SERPINA1: variants seen among roughly 807,000 people sequenced by gnomAD.
SERPINA1 encodes the protein alpha-1-antitrypsin.
SERPINA1 carries 21 observed loss-of-function variants against 25.4 expected under a neutral mutation model. The ratio of observed to expected loss-of-function variants is 0.83; its 90% CI spans 0.59 to 1.19. The LOEUF is 1.19. Ranked by LOEUF, SERPINA1 falls within the 50% of genes most tolerant of loss-of-function variation. The pLI, the probability that SERPINA1 is intolerant of heterozygous loss-of-function variation, is 0.00. For missense variants in SERPINA1, 546 were observed against 509.0 expected, an observed-to-expected ratio of 1.07 and a Z score of -0.70; for synonymous variants, 218 against 211.1, an observed-to-expected ratio of 1.03 and a Z score of -0.29.
chr14:94,382,836 G>C lies in SERPINA1; in HGVS notation c.402C>G (p.Leu134=), dbSNP rs1897032865. The C allele has an allele frequency of 6.2e-7, 1 of 1,614,138 alleles. No homozygotes were observed. The highest frequency in any genetic ancestry group is 2.2e-5 in the East Asian group (1 of 44,882). ...ACAGGCCATTGCCGGTGGTCAGCTGGAGCTGGCTGTCTGGCTGGTTGAGGG... is the reference window on the plus strand; with the variant it reads ...ACAGGCCATTGCCGGTGGTCAGCTGCAGCTGGCTGTCTGGCTGGTTGAGGG... The part of the protein sequence containing the change: ...LRTLNQPDSQ[L]QLTTGNGLFL... The change falls in exon 2 of 5, where the codon CTC becomes CTG. Residue 134 remains leucine (L), a synonymous_variant. Coordinates refer to ENST00000393087, the MANE Select transcript of SERPINA1 (RefSeq NM_000295.5).
chr14:94,379,953 G>C (rs1896758161), intron 3 of SERPINA1, among the ~76,000 whole-genome samples: 1 of 151,868 alleles, frequency 6.6e-6, no homozygotes, highest in African/African-American at 2.4e-5. Flanking sequence ...GAAACACGGG[G>C]CTGGTGGCAG....
chr14:94,386,945 T>C (rs977561994), intron 1 of SERPINA1, among the ~76,000 whole-genome samples: 1 of 152,190 alleles, frequency 6.6e-6, no homozygotes, highest in Non-Finnish European at 1.5e-5. Flanking sequence ...ATTTTATAGA[T>C]AGAAAAATTG....
At chr14:94,384,586 G>A (rs1171003199) in intron 1 of SERPINA1, among the ~76,000 whole-genome samples, 1 of 152,128 alleles carries the variant, frequency 6.6e-6, no homozygotes. Flanking sequence ...GATATGCCCA[G>A]GCTTCGGACC....
chr14:94,378,096 A>C lies in SERPINA1; in HGVS notation c.*353T>G. On this transcript the variant is annotated 3_prime_UTR_variant, in exon 5 of 5. Coordinates refer to ENST00000393087, the MANE Select transcript of SERPINA1 (RefSeq NM_000295.5). ...GGTGGAGCCTGGGGTCATGGCTGGT[A>C]TCTGGTTCCTCCCCTGTGATTCCTT... 6.8e-6 allele frequency: 2 copies of C among 295,332 alleles called. No individual in the cohort carries two copies. The highest frequency in any genetic ancestry group is 1.3e-5 in the Non-Finnish European group (2 of 156,276). 18.3% of individuals were successfully genotyped at this position (295,332 alleles called of 1,614,324 possible).
In SERPINA1 at chr14:94,381,083, G is replaced by T. The variant is rs777051992; in HGVS notation, c.705C>A (p.Asp235Glu). ...KDTEEEDFHV[D>E]QVTTVKVPMM... ...TAGGCACCTTCACGGTGGTCACCTG[G>T]TCCACGTGGAAGTCCTCTTCCTCGG... The change falls in exon 3 of 5, where the codon GAC becomes GAA. Residue 235 changes from aspartate (D) to glutamate (E), a missense_variant. Transcript: ENST00000393087. 8 of 1,602,562 alleles carry T rather than the reference G, an allele frequency of 5.0e-6. No homozygotes were observed. The South Asian group carries it at 8.8e-5, about 18-fold the overall frequency.
In SERPINA1 at chr14:94,377,068, T is replaced by A. The variant is rs997460716; in HGVS notation, c.*1381A>T. 1 of 152,218 alleles carries A rather than the reference T, an allele frequency of 6.6e-6. No homozygotes were observed. The highest frequency in any genetic ancestry group is 1.5e-5 in the Non-Finnish European group (1 of 68,052). 9.4% of individuals were successfully genotyped at this position (152,218 alleles called of 1,614,324 possible). On this transcript the variant is annotated 3_prime_UTR_variant, in exon 5 of 5. Transcript: ENST00000393087. ...TTGTGTGGGAAACAGTCGGTATCCA[T>A]TGATTAGACTGAATCATGTAGAATT...
rs199422209 is a variant in SERPINA1, at chr14:94,378,528, G to C, written c.1178C>G (p.Pro393Arg). 2.5e-5 allele frequency: 40 copies of C among 1,614,090 alleles called. No homozygotes were observed. Among genetic ancestry groups the C allele is most frequent in the Middle Eastern group, 1.6e-4 (1 of 6,062 alleles). The change falls in exon 5 of 5, where the codon CCC (proline) becomes CGC (arginine). Residue 393 changes from proline (P) to arginine (R), a missense_variant. Transcript: ENST00000393087. ...SIPPEVKFNK[P>R]FVFLMIEQNT... Reference sequence around the variant, plus strand: ...TTGTTCAATCATTAAGAAGACAAAGGGTTTGTTGAACTTGACCTCGGGGGG... The same window carrying C: ...TTGTTCAATCATTAAGAAGACAAAGCGTTTGTTGAACTTGACCTCGGGGGG...
chr14:94,385,974 C>T (rs1331285296), intron 1 of SERPINA1, among the ~76,000 whole-genome samples: 3 of 152,230 alleles, frequency 2.0e-5, no homozygotes, highest in East Asian at 3.9e-4. Flanking sequence ...TGAACTGAGA[C>T]AGCTGTGTCC....
rs750207710 is a variant in SERPINA1 at position 94,383,240 on chromosome 14, T to C, written c.-3A>G. 1 of 1,610,392 alleles carries C rather than the reference T, an allele frequency of 6.2e-7. No homozygotes were observed. Among genetic ancestry groups the C allele is most frequent in the Non-Finnish European group, 8.5e-7 (1 of 1,179,454 alleles). ...CCCCACGAGACAGAAGACGGCATTGTCCTGCAAGACAGAGATGGGGGGGCC... is the reference window on the plus strand; with the variant it reads ...CCCCACGAGACAGAAGACGGCATTGCCCTGCAAGACAGAGATGGGGGGGCC... On this transcript the variant is annotated splice_region_variant and 5_prime_UTR_variant, in exon 2 of 5. Coordinates refer to ENST00000393087, the MANE Select transcript of SERPINA1 (RefSeq NM_000295.5).
At position 94,383,501 on chromosome 14, in the gene SERPINA1, T is replaced by C. The variant is rs1897107420; in HGVS notation, c.-4-260A>G. 1.6e-5 allele frequency: 9 copies of C among 553,164 alleles called. No individual in the cohort carries two copies. In the South Asian group the frequency reaches 2.2e-4, roughly 13 times the overall value. 34.3% of individuals were successfully genotyped at this position (553,164 alleles called of 1,614,324 possible). On this transcript the variant is annotated intron_variant, in intron 1 of 4. Coordinates refer to ENST00000393087, the MANE Select transcript of SERPINA1 (RefSeq NM_000295.5). ...TAACAATCCCGTGAGGTGCTAATGC[T>C]AATATCCTTCTTTTACAGATGAAGA...
intron 1 of SERPINA1, chr14:94,384,207 C>T (rs890083697): frequency 4.6e-5 from 7 of 151,934 alleles, no homozygotes; most frequent in Admixed American, 4.6e-4. Context: ...TCTAATCTGA[C>T]TCTGTCACTT....
rs749295615 is a variant in SERPINA1 at position 94,382,882 on chromosome 14, C to A, written c.356G>T (p.Gly119Val). ...GAGGGTACGGAGGAGTTCCTGGAAG[C>A]CTTCATGGATCTGAGCCTCCGGAAT... ...TEIPEAQIHEGFQELLRTLNQ... is the reference protein window; with the variant it reads ...TEIPEAQIHEVFQELLRTLNQ... The change falls in exon 2 of 5, where the codon GGC (glycine) becomes GTC (valine). Residue 119 changes from glycine to valine, a missense_variant. Gly to Val is a moderately radical substitution (Grantham distance 109, BLOSUM62 -3). Coordinates refer to ENST00000393087, the MANE Select transcript of SERPINA1 (RefSeq NM_000295.5). The A allele has an allele frequency of 1.9e-6, 3 of 1,614,090 alleles. No homozygotes were observed. Among genetic ancestry groups the A allele is most frequent in the South Asian group, 1.1e-5 (1 of 91,086 alleles).
rs1897104379 is a variant in SERPINA1, at chr14:94,383,454, G to A, written c.-4-213C>T. 5 of 589,298 alleles carry A rather than the reference G, an allele frequency of 8.5e-6. No homozygotes were observed. The South Asian group carries it at 1.1e-4, about 12-fold the overall frequency. The allele number at this position is 589,298 out of a possible 1,614,324, so 36.5% of individuals were successfully genotyped here. A position where few individuals can be genotyped will look rare whatever the true frequency, so the allele number is the denominator to read the frequency against. On this transcript the variant is annotated intron_variant, in intron 1 of 4. Transcript: ENST00000393087. ...CAAGCACTGTTCTCCGTGCTCACAT[G>A]TGTTAATTCATTGCTTTCTTGTAAC...
Position 94,378,547 on chromosome 14 carries a change from C to CG in SERPINA1, c.1158dup (p.Glu387ArgfsTer14), listed in dbSNP as rs764325655. 1.8e-5 allele frequency: 29 copies of CG among 1,613,640 alleles called. No individual in the cohort carries two copies. Among genetic ancestry groups the CG allele is most frequent in the Non-Finnish European group, 2.3e-5 (27 of 1,179,864 alleles). Reference sequence around the variant, plus strand: ...ACAAAGGGTTTGTTGAACTTGACCTCGGGGGGGATAGACATGGGTATGGCC... The same window carrying CG: ...ACAAAGGGTTTGTTGAACTTGACCTCGGGGGGGGATAGACATGGGTATGGCC... On this transcript the variant is annotated frameshift_variant, in exon 5 of 5. Transcript: ENST00000393087. LOFTEE classifies it low-confidence loss of function (END_TRUNC).
intron 1 of SERPINA1, among the ~76,000 whole-genome samples, chr14:94,386,893 T>C (rs983579135): frequency 1.3e-5 from 2 of 152,234 alleles, no homozygotes; most frequent in Non-Finnish European, 2.9e-5. Flanking sequence ...TCATCTAATC[T>C]GTCCTCAAAG....
At chr14:94,381,492 T>G (rs1896913727) in intron 2 of SERPINA1, among the ~76,000 whole-genome samples, 1 of 152,208 alleles carries the variant, frequency 6.6e-6, no homozygotes, top group African/African-American at 2.4e-5. Context: ...TCAGGCATAT[T>G]TGGTACCTTC....
Position 94,382,494 on chromosome 14 carries a change from C to A in SERPINA1, c.646+98G>T. ...TCCACGCTGAAAAGCATTGCTATGGCCCATAATGCATTGCCAAGGAGAGTT... is the reference window on the plus strand; with the variant it reads ...TCCACGCTGAAAAGCATTGCTATGGACCATAATGCATTGCCAAGGAGAGTT... On this transcript the variant is annotated intron_variant, in intron 2 of 4. Coordinates refer to ENST00000393087, the MANE Select transcript of SERPINA1 (RefSeq NM_000295.5). 4.3e-6 allele frequency: 6 copies of A among 1,384,316 alleles called. No homozygotes were observed. The South Asian group carries it at 5.8e-5, about 13-fold the overall frequency. The allele number at this position is 1,384,316 out of a possible 1,614,324, so 85.8% of individuals were successfully genotyped here.
chr14:94,384,038 C>T (rs1004093385), intron 1 of SERPINA1: 3 of 152,186 alleles, frequency 2.0e-5, no homozygotes, highest in African/African-American at 4.8e-5. Context: ...GCTTACCTGC[C>T]GTCTGGGTCA....
rs556017892 is a variant in SERPINA1 at position 94,381,916 on chromosome 14, TTCCTGGGAC to T, written c.646+667_646+675del. On this transcript the variant is annotated intron_variant, in intron 2 of 4. Coordinates refer to ENST00000393087, the MANE Select transcript of SERPINA1 (RefSeq NM_000295.5). ...CCCACCTCCCCTCCCCTATGCTGTT[TTCCTGGGAC>T]AGTGGGAGCTGGCTTAGAATGCCCT... is the stretch of plus-strand genomic sequence containing the variant. 4.5e-3 allele frequency among the ~76,000 whole-genome samples: 683 copies of T among 152,324 alleles called. 9 individuals are homozygous for T. Among genetic ancestry groups the T allele is most frequent in the Non-Finnish European group, 5.4e-3 (369 of 68,016 alleles).
Sources: gnomAD v4.1 joint callset for allele counts (sites outside exome capture counted in the v4.1 genomes callset) on GRCh38, gnomAD v4.1.1 for gene constraint, MANE v1.5 for transcripts, NCBI Gene and HGNC (gene_info 2026-07-23, HGNC 2026-07-21) for gene names.